NF1: variants seen among roughly 807,000 people sequenced by gnomAD.
NF1 encodes neurofibromin.
In NF1, 122 loss-of-function variants were observed where a neutral mutation model predicts 325.7. The observed-to-expected ratio is 0.37, with a 90% confidence interval of 0.32 to 0.44. NF1 has a LOEUF of 0.44. Among genes scored for constraint, NF1 ranks in the 20% least tolerant of loss-of-function variants. The probability of loss-of-function intolerance (pLI) is 1.00; values close to 1 mark genes in which losing one functional copy is unlikely to be tolerated. For missense variants in NF1, 2,140 were observed against 3,415.4 expected, an observed-to-expected ratio of 0.63 and a Z score of 9.31; for synonymous variants, 1,091 against 1,186.0, an observed-to-expected ratio of 0.92 and a Z score of 1.65.
At chr17:31,104,754 G>A (rs1236161397) in intron 1 of NF1, among the ~76,000 whole-genome samples, 2 of 152,098 alleles carry the variant, frequency 1.3e-5, no homozygotes, top group Non-Finnish European at 2.9e-5. Context: ...GTACTCTCAG[G>A]TGTTTAATGC....
rs189406436 is a variant in NF1, at chr17:31,348,911, T to C, written c.7190-209T>C. Reference sequence around the variant, plus strand: ...TAGAGTTCTAGGGAATATTATATTCTACACATTTTTGGTACTTAATCTTAT... The same window carrying C: ...TAGAGTTCTAGGGAATATTATATTCCACACATTTTTGGTACTTAATCTTAT... On this transcript the variant is annotated intron_variant, in intron 48 of 57. Transcript: ENST00000358273. 2.2e-3 allele frequency among the ~76,000 whole-genome samples: 330 copies of C among 152,300 alleles called. 1 individual carries two copies. Among genetic ancestry groups the C allele is most frequent in the African/African-American group, 7.5e-3 (311 of 41,564 alleles).
intron 36 of NF1, among the ~76,000 whole-genome samples, chr17:31,266,390 G>A (rs572845082): frequency 2.0e-4 from 31 of 152,148 alleles, no homozygotes; most frequent in Admixed American, 1.6e-3. Flanking sequence ...GGAGTATTAG[G>A]GAATCAAGAA....
At chr17:31,341,651 A>G (rs1359821258) in intron 47 of NF1, among the ~76,000 whole-genome samples, 1 of 149,362 alleles carries the variant, frequency 6.7e-6, no homozygotes, top group Non-Finnish European at 1.5e-5. Flanking sequence ...ATCCAACTCC[A>G]ATTAAGGTTA....
chr17:31,332,430 C>T (rs1471710848), intron 39 of NF1, among the ~76,000 whole-genome samples: 1 of 151,992 alleles, frequency 6.6e-6, no homozygotes, highest in Non-Finnish European at 1.5e-5. Flanking sequence ...CTCCACTGCA[C>T]TCCAGCCTGG....
At chr17:31,361,934 C>A (rs1461143065) in intron 57 of NF1, among the ~76,000 whole-genome samples, 1 of 152,208 alleles carries the variant, frequency 6.6e-6, no homozygotes, top group Non-Finnish European at 1.5e-5. Context: ...TACAAGTAAT[C>A]CTTTTTTCCC....
chr17:31,156,285 A>G (rs62068825), intron 2 of NF1, among the ~76,000 whole-genome samples, 159 bp downstream of exon 2: 180 of 152,280 alleles, frequency 1.2e-3, no homozygotes, highest in Non-Finnish European at 2.0e-3. Flanking sequence ...TAACCTTTTA[A>G]TTTTATTTTG....
Position 31,187,804 on chromosome 17 carries a change from G to A in NF1, c.888+5139G>A, listed in dbSNP as rs2066269605. On this transcript the variant is annotated intron_variant, in intron 8 of 57. Coordinates refer to ENST00000358273, the MANE Select transcript of NF1 (RefSeq NM_001042492.3). Reference sequence around the variant, plus strand: ...CTAGAGGTCTTAGTTCCAGAGGGAGGAACGCTGCCACCAGGAGACACAACA... The same window carrying A: ...CTAGAGGTCTTAGTTCCAGAGGGAGAAACGCTGCCACCAGGAGACACAACA... Among the ~76,000 whole-genome samples the A allele has an allele frequency of 3.3e-5, 5 of 152,258 alleles. No homozygotes were observed. In the South Asian group the frequency reaches 8.3e-4, roughly 25 times the overall value.
At position 31,332,588 on chromosome 17, in the gene NF1, T is replaced by TA. The variant is rs1597837390; in HGVS notation, c.5812+2090_5812+2091insA. ...TACAGATCATGGTTTTTTTTTTTTT[T>TA]TTATTATACTCTAAGTTTTAGGGTA... On this transcript the variant is annotated intron_variant, in intron 39 of 57. Coordinates refer to ENST00000358273, the MANE Select transcript of NF1 (RefSeq NM_001042492.3). Among the ~76,000 whole-genome samples, 2 of 101,082 alleles carry TA rather than the reference T, an allele frequency of 2.0e-5. 1 individual carries two copies. The highest frequency in any genetic ancestry group is 0.01 in the Middle Eastern group (2 of 196). The allele number at this position is 101,082 out of a possible 152,430, so 66.3% of individuals were successfully genotyped here. A position where few individuals can be genotyped will look rare whatever the true frequency, so the allele number is the denominator to read the frequency against.
rs2953000 is a variant in NF1, at chr17:31,182,773, C to T, written c.888+108C>T. The T allele has an allele frequency of 0.65, 667,224 of 1,034,132 alleles. 223,672 individuals carry two copies. The highest frequency in any genetic ancestry group is 0.75 in the Middle Eastern group (2,621 of 3,482). 64.1% of individuals were successfully genotyped at this position (1,034,132 alleles called of 1,614,324 possible). ...TATTTAAGCAAAGTATTTCAGGGAA[C>T]CATTTAAATGATCATTTTAGGTTTC... On this transcript the variant is annotated intron_variant, in intron 8 of 57. Transcript: ENST00000358273.
At position 31,325,957 on chromosome 17, in the gene NF1, TTCTCTC is replaced by T; in HGVS notation, c.4975_4980del (p.Leu1659_Ser1660del). The T allele has an allele frequency of 6.2e-7, 1 of 1,614,208 alleles. No individual in the cohort carries two copies. The highest frequency in any genetic ancestry group is 8.5e-7 in the Non-Finnish European group (1 of 1,180,040). On this transcript the variant is annotated inframe_deletion, in exon 37 of 58. Transcript: ENST00000358273. ...CCTAGCAATCGCTTTAAAACAGACT[TTCTCTC>T]TAAGTGGTTTGTTGTTTTTCCTGGC...
chr17:31,336,734 C>T lies in NF1; in HGVS notation c.6247C>T (p.Arg2083Cys), dbSNP rs2151554593. The change falls in exon 42 of 58, where the codon CGC becomes TGC. Residue 2083 changes from arginine to cysteine, a missense_variant. Physicochemically the swap from Arg to Cys is radical, Grantham distance 180. This residue lies in a region of NF1 where 180 missense variants were observed against 435.1 expected (regional missense o/e 0.41). Coordinates refer to ENST00000358273, the MANE Select transcript of NF1 (RefSeq NM_001042492.3). This position sits in a 1 kb window ranked among gnomAD's most constrained non-coding sequence, Gnocchi z 5.5. Reference protein sequence around the residue: ...LMWDDIAILARYMLMLSFNNS... With the variant: ...LMWDDIAILACYMLMLSFNNS... ...GTGGGATGATATTGCTATTTTAGCA[C>T]GCTACATGCTGATGCTGTCCTTCAA... 1.2e-6 allele frequency: 2 copies of T among 1,614,036 alleles called. No individual in the cohort carries two copies. The highest frequency in any genetic ancestry group is 1.7e-5 in the Admixed American group (1 of 60,002).
At chr17:31,369,956 C>T (rs1188968811) in intron 57 of NF1, among the ~76,000 whole-genome samples, 1 of 151,922 alleles carries the variant, frequency 6.6e-6, no homozygotes, top group African/African-American at 2.4e-5. Context: ...TTCATACTAC[C>T]TTGGCTTTTT....
At chr17:31,236,066 T>C (rs1303864083) in intron 29 of NF1, 45 bp downstream of exon 29, 1 of 1,460,058 alleles carries the variant, frequency 6.8e-7, no homozygotes. Context: ...TGTTTTTTTT[T>C]TTTTGTTTGT....
rs375946068 is a variant in NF1 at position 31,095,911 on chromosome 17, C to T, written c.60+542C>T. On this transcript the variant is annotated intron_variant, in intron 1 of 57. Transcript: ENST00000358273. ...GCTTCCTCTCCTGGAGGGGGAAGAG[C>T]AGAAGAAAGCAAGGAAGGCACAGGT... is the stretch of plus-strand genomic sequence containing the variant. Among the ~76,000 whole-genome samples, 5 of 152,140 alleles carry T rather than the reference C, an allele frequency of 3.3e-5. No homozygotes were observed. In the East Asian group the frequency reaches 9.7e-4, roughly 29 times the overall value.
intron 24 of NF1, 31 bp from the exon 25 acceptor site, chr17:31,232,042 A>ATTT: frequency 4.9e-6 from 5 of 1,025,590 alleles, no homozygotes; most frequent in South Asian, 3.1e-5. Context: ...ATGGTCTCTA[A>ATTT]ATTTTTTTTT....
intron 36 of NF1, among the ~76,000 whole-genome samples, chr17:31,280,886 AT>A (rs144996152): frequency 0.029 from 4,312 of 148,018 alleles, 101 homozygotes; most frequent in Non-Finnish European, 0.045. Flanking sequence ...TTTATTCAGT[AT>A]TTTTATAGAC....
rs752039618 is a variant in NF1, at chr17:31,233,071, A to G, written c.3566A>G (p.Gln1189Arg). 6.2e-7 allele frequency: 1 copy of G among 1,614,214 alleles called. No homozygotes were observed. The highest frequency in any genetic ancestry group is 8.5e-7 in the Non-Finnish European group (1 of 1,180,028). Residue 1189 changes from glutamine (Q) to arginine (R), a missense_variant, in exon 27 of 58, where the codon CAA becomes CGA. Physicochemically the swap from Gln to Arg is conservative, Grantham distance 43 (BLOSUM62 1). Transcript: ENST00000358273. ...GAAGTTCTGACAAAAATCCTTCAAC[A>G]AGGCACAGAATTTGACACACTTGCA... ...FMEVLTKILQ[Q>R]GTEFDTLAET...
intron 8 of NF1, among the ~76,000 whole-genome samples, chr17:31,197,907 T>C (rs1188622341): frequency 6.6e-6 from 1 of 152,224 alleles, no homozygotes; most frequent in Admixed American, 6.5e-5. Context: ...GTTCAATCTT[T>C]CACTATTGAG....
intron 36 of NF1, among the ~76,000 whole-genome samples, chr17:31,290,280 G>A (rs1482294126): frequency 1.3e-5 from 2 of 151,856 alleles, no homozygotes; most frequent in African/African-American, 4.8e-5. Flanking sequence ...AAATTCTTCT[G>A]CTGGTTTTAT....
Sources: allele counts gnomAD v4.1 joint callset (sites outside exome capture counted in the v4.1 genomes callset), GRCh38; gene constraint gnomAD v4.1.1; regional missense constraint gnomAD v4.1.1; non-coding constraint Gnocchi (gnomAD v3.1); transcripts MANE v1.5; gene names NCBI Gene and HGNC (gene_info 2026-07-23, HGNC 2026-07-21).